Variants in EPB41L4A observed in about 807,000 individuals in gnomAD.
EPB41L4A encodes band 4.1-like protein 4A.
EPB41L4A carries 100 observed loss-of-function variants against 108.6 expected under a neutral mutation model. The observed-to-expected ratio is 0.92, with a 90% CI of 0.78 to 1.09. The LOEUF is 1.09. Ranked by LOEUF, EPB41L4A falls within the 50% of genes least tolerant of loss-of-function variation. The pLI is 0.00. For synonymous variants in EPB41L4A, 319 were observed against 289.0 expected (o/e 1.10, Z -1.05); for missense variants, 1,030 against 842.7 (o/e 1.22, Z -2.75).
intron 1 of EPB41L4A, among the ~76,000 whole-genome samples, chr5:112,369,406 C>A (rs1759342131): frequency 6.6e-6 from 1 of 152,198 alleles, no homozygotes; most frequent in African/African-American, 2.4e-5. Flanking sequence ...ATGTCTTTAT[C>A]ACTAGCCTAG....
intron 1 of EPB41L4A, among the ~76,000 whole-genome samples, chr5:112,329,377 T>C (rs867325292): frequency 5.4e-4 from 82 of 152,238 alleles, no homozygotes; most frequent in Admixed American, 2.6e-4. Context: ...CAACTGCTGA[T>C]AGCTGGCTGC....
At chr5:112,151,596 T>C (rs1759471600) in intron 12 of EPB41L4A, among the ~76,000 whole-genome samples, 1 of 151,880 alleles carries the variant, frequency 6.6e-6, no homozygotes, top group Non-Finnish European at 1.5e-5. Flanking sequence ...CTTGTAGAGA[T>C]GGGGTTTCAC....
upstream of EPB41L4A, chr5:112,419,488 T>C: frequency 2.7e-6 from 1 of 375,514 alleles, no homozygotes; most frequent in Admixed American, 3.3e-5. Context: ...GCCGCACGGA[T>C]TTGAGCGCGG....
chr5:112,274,027 G>A (rs560884424), intron 4 of EPB41L4A, among the ~76,000 whole-genome samples: 2 of 152,046 alleles, frequency 1.3e-5, no homozygotes, highest in South Asian at 2.1e-4. Context: ...AGTGACTCAC[G>A]CTGGTAATCC....
At chr5:112,404,305 AC>A (rs1761953529) in intron 1 of EPB41L4A, among the ~76,000 whole-genome samples, 1 of 152,210 alleles carries the variant, frequency 6.6e-6, no homozygotes, top group Admixed American at 6.5e-5. Context: ...AACTCTCCCA[AC>A]AATCTGTGAT....
At chr5:112,349,917 T>C (rs1757934476) in intron 1 of EPB41L4A, among the ~76,000 whole-genome samples, 4 of 152,170 alleles carry the variant, frequency 2.6e-5, no homozygotes, top group Admixed American at 2.6e-4. Flanking sequence ...AGTTAGGCCA[T>C]GTGAACAAAC....
Position 112,209,922 on chromosome 5 carries a change from A to T in EPB41L4A, c.1148T>A (p.Ile383Asn). 1 of 1,607,244 alleles carries T rather than the reference A, an allele frequency of 6.2e-7. No individual in the cohort carries two copies. The highest frequency in any genetic ancestry group is 1.3e-5 in the African/African-American group (1 of 74,874). The change falls in exon 13 of 23, where the codon ATT (isoleucine) becomes AAT (asparagine). Residue 383 changes from isoleucine (I) to asparagine (N), a missense_variant. Coordinates refer to ENST00000261486, the MANE Select transcript of EPB41L4A (RefSeq NM_022140.5). ...NMENGENEGT[I>N]KIIAPSPVKS... ...TACTGGTGAAGGTGCAATAATTTTA[A>T]TTGTTCCTTCATTTTCTCCATTTTC...
chr5:112,406,836 C>T (rs369080227), intron 1 of EPB41L4A, among the ~76,000 whole-genome samples: 23 of 152,214 alleles, frequency 1.5e-4, no homozygotes, highest in African/African-American at 5.5e-4. Context: ...GGCCCATGTG[C>T]TAAGTCTCTG....
At chr5:112,262,407 C>A in intron 7 of EPB41L4A, 87 bp downstream of exon 7, 2 of 1,073,044 alleles carry the variant, frequency 1.9e-6, no homozygotes, top group Admixed American at 1.8e-5. Context: ...AACAACAGGA[C>A]TGCAGCTTTC....
rs768629235 is a variant in EPB41L4A at position 112,205,474 on chromosome 5, A to G, written c.1209T>C (p.Pro403=). ...SFKKAKNENS[P]DTQRSKSHAP... ...CATGAGATTTGCTTCTTTGGGTATC[A>G]GGGCTATTTTCATTCTTTGCTTTCT... Residue 403 remains proline, a synonymous_variant, in exon 14 of 23, where the codon CCT becomes CCC. Transcript: ENST00000261486. The G allele has an allele frequency of 3.1e-6, 5 of 1,612,700 alleles. No homozygotes were observed. The Admixed American group carries it at 6.7e-5, about 22-fold the overall frequency.
intron 1 of EPB41L4A, among the ~76,000 whole-genome samples, chr5:112,410,609 C>G (rs1485155680): frequency 6.6e-6 from 1 of 152,102 alleles, no homozygotes; most frequent in African/African-American, 2.4e-5. Flanking sequence ...GTACCCACAA[C>G]TCTCCTCCTT....
chr5:112,413,998 G>C (rs1762560701), intron 1 of EPB41L4A, among the ~76,000 whole-genome samples: 1 of 151,840 alleles, frequency 6.6e-6, no homozygotes, highest in Admixed American at 6.6e-5. Context: ...AAGACAGCAT[G>C]AATGTAGAAG....
At chr5:112,330,163 A>G (rs944062565) in intron 1 of EPB41L4A, among the ~76,000 whole-genome samples, 2 of 151,882 alleles carry the variant, frequency 1.3e-5, no homozygotes, top group African/African-American at 2.4e-5. Flanking sequence ...TTTCCCCCAC[A>G]ATGGCTTAGG....
chr5:112,355,864 C>A (rs1252211658), intron 1 of EPB41L4A, among the ~76,000 whole-genome samples: 1 of 152,118 alleles, frequency 6.6e-6, no homozygotes, highest in Non-Finnish European at 1.5e-5. Flanking sequence ...TCACTAGATC[C>A]TAGGGATCTA....
chr5:112,239,911 G>A (rs946000829), intron 10 of EPB41L4A, among the ~76,000 whole-genome samples, 174 bp from the exon 11 acceptor site: 1 of 152,034 alleles, frequency 6.6e-6, no homozygotes, highest in Non-Finnish European at 1.5e-5. Context: ...ACTCAATTTT[G>A]TTTCCATTTA....
intron 18 of EPB41L4A, among the ~76,000 whole-genome samples, chr5:112,177,326 A>G (rs1760918932): frequency 6.6e-6 from 1 of 152,174 alleles, no homozygotes; most frequent in Non-Finnish European, 1.5e-5. Context: ...GTCCGTTTCA[A>G]ACTGAAACAC....
At chr5:112,401,025 A>G (rs1333703584) in intron 1 of EPB41L4A, among the ~76,000 whole-genome samples, 2 of 152,216 alleles carry the variant, frequency 1.3e-5, no homozygotes, top group African/African-American at 4.8e-5. Context: ...TAAAAAATCA[A>G]AATACTCATG....
At chr5:112,252,520 G>A (rs1219185399) in intron 9 of EPB41L4A, among the ~76,000 whole-genome samples, 1 of 152,164 alleles carries the variant, frequency 6.6e-6, no homozygotes, top group African/African-American at 2.4e-5. Flanking sequence ...CCAAAGGCAG[G>A]AGTCAGATTG....
At chr5:112,301,393 G>C (rs1454662569) in intron 2 of EPB41L4A, among the ~76,000 whole-genome samples, 1 of 152,170 alleles carries the variant, frequency 6.6e-6, no homozygotes, top group Non-Finnish European at 1.5e-5. Flanking sequence ...CTTCCTGAGA[G>C]CTGAGATGCA....
Sources: allele counts gnomAD v4.1 joint callset (sites outside exome capture counted in the v4.1 genomes callset), GRCh38; gene constraint gnomAD v4.1.1; transcripts MANE v1.5; gene names NCBI Gene and HGNC (gene_info 2026-07-23, HGNC 2026-07-21).